Variants in RSF1 observed in about 807,000 individuals in gnomAD.
RSF1 encodes the protein remodeling and spacing factor 1.
RSF1 carries 13 observed loss-of-function variants against 145.2 expected under a neutral mutation model. That is an observed-to-expected ratio of 0.09 (90% CI 0.06 to 0.14). The LOEUF (loss-of-function observed/expected upper bound fraction) is 0.14, where lower values mean the gene tolerates loss of function less well. Among genes scored for constraint, RSF1 ranks in the 10% least tolerant of loss-of-function variants. The probability of loss-of-function intolerance (pLI) is 1.00; values close to 1 mark genes in which losing one functional copy is unlikely to be tolerated. For missense variants in RSF1, 1,517 were observed against 1,718.2 expected, an observed-to-expected ratio of 0.88 and a Z score of 2.07; for synonymous variants, 577 against 592.6, an observed-to-expected ratio of 0.97 and a Z score of 0.38.
intron 11 of RSF1, among the ~76,000 whole-genome samples, chr11:77,682,434 T>C (rs1322156228): frequency 6.6e-6 from 1 of 152,158 alleles, no homozygotes; most frequent in Admixed American, 6.6e-5. Flanking sequence ...TAAAATATAA[T>C]TTATTTATTA....
chr11:77,869,312 C>CTTTTTTTTTTTTTTTTT, the RSF1 span: 1 of 126,850 alleles, frequency 7.9e-6, no homozygotes, highest in Admixed American at 8.8e-5. Flanking sequence ...ATCTCTTTTT[C>CTTTTTTTTTTTTTTTTT]TTTTTTTTTT....
chr11:77,869,889 C>T, the RSF1 span: 2 of 1,449,814 alleles, frequency 1.4e-6, no homozygotes, highest in Non-Finnish European at 1.9e-6. Context: ...ACAGACTTGT[C>T]CTTCTTGGGA....
At chr11:77,698,962 T>C (rs1433784237) in intron 6 of RSF1, among the ~76,000 whole-genome samples, 2 of 152,226 alleles carry the variant, frequency 1.3e-5, no homozygotes, top group East Asian at 3.8e-4. Context: ...TCTCCTAACA[T>C]TACTATAAAT....
chr11:77,739,781 A>G (rs113593068), intron 4 of RSF1, among the ~76,000 whole-genome samples: 26 of 152,240 alleles, frequency 1.7e-4, no homozygotes, highest in Non-Finnish European at 3.4e-4. Context: ...TCTAAATAGT[A>G]AAGTTACAGT....
intron 5 of RSF1, among the ~76,000 whole-genome samples, chr11:77,704,856 G>A (rs753877333): frequency 6.6e-6 from 1 of 150,836 alleles, no homozygotes; most frequent in Non-Finnish European, 1.5e-5. Flanking sequence ...GGGTTCAAGC[G>A]ATTCTCTTGC....
chr11:77,863,377 C>T, the RSF1 span, among the ~76,000 whole-genome samples: 1 of 152,146 alleles, frequency 6.6e-6, no homozygotes, highest in Non-Finnish European at 1.5e-5. Flanking sequence ...AGCGAAAACT[C>T]AGCTCGAGCC....
chr11:77,734,891 C>A, intron 4 of RSF1: 1 of 1,581,380 alleles, frequency 6.3e-7, no homozygotes, highest in Non-Finnish European at 8.6e-7. Context: ...AAAGCCACAT[C>A]ATCACGGTCA....
chr11:77,836,918 T>C, the RSF1 span, among the ~76,000 whole-genome samples: 1 of 152,004 alleles, frequency 6.6e-6, no homozygotes, highest in South Asian at 2.1e-4. Context: ...TGAGCCAAGA[T>C]CGCGCCATTG....
chr11:77,813,532 G>C lies in RSF1; in HGVS notation c.187+6996C>G. ...GGTATTCGAACTGGTCCTTTCACTT[G>C]GAGATTCTTTGCCTCTGCTCCTCTG... On this transcript the variant is annotated intron_variant, in intron 1 of 15. Transcript: ENST00000308488. The C allele has an allele frequency of 4.0e-6, 3 of 750,514 alleles. No individual in the cohort carries two copies. In the South Asian group the frequency reaches 4.2e-5, roughly 10 times the overall value. The allele number at this position is 750,514 out of a possible 1,614,324, so 46.5% of individuals were successfully genotyped here.
chr11:77,819,498 G>C (rs1056702627), intron 1 of RSF1, among the ~76,000 whole-genome samples: 1 of 152,236 alleles, frequency 6.6e-6, no homozygotes, highest in Admixed American at 6.5e-5. Flanking sequence ...GGCAGAGCAT[G>C]CGCCCTGCAC....
At chr11:77,692,701 C>T (rs1960186250) in intron 8 of RSF1, among the ~76,000 whole-genome samples, 1 of 141,092 alleles carries the variant, frequency 7.1e-6, no homozygotes. Context: ...TTTTTTGAGA[C>T]AGAGTCTTGC....
At chr11:77,686,450 CTCAAAGTTAATCCAAT>C (rs1960010137) in intron 9 of RSF1, among the ~76,000 whole-genome samples, 1 of 129,866 alleles carries the variant, frequency 7.7e-6, no homozygotes, top group African/African-American at 2.9e-5. Context: ...CCCTGGTTCT[CTCAAAGTTAATCCAAT>C]TCAAGAACAG....
At chr11:77,698,337 A>T (rs1235888417) in intron 7 of RSF1, 150 bp downstream of exon 7, 3 of 656,622 alleles carry the variant, frequency 4.6e-6, no homozygotes, top group Non-Finnish European at 7.9e-6. Context: ...CAATTAGGTT[A>T]TATGAGAAAC....
chr11:77,789,033 A>C (rs1386155288), intron 1 of RSF1, among the ~76,000 whole-genome samples: 2 of 152,228 alleles, frequency 1.3e-5, no homozygotes, highest in African/African-American at 4.8e-5. Flanking sequence ...AAACATTAAA[A>C]AAAACAGAAC....
At chr11:77,785,495 C>T (rs1206744406) in intron 1 of RSF1, among the ~76,000 whole-genome samples, 1 of 152,008 alleles carries the variant, frequency 6.6e-6, no homozygotes, top group Non-Finnish European at 1.5e-5. Flanking sequence ...GAGGCTGAGG[C>T]AGGAGAATTG....
chr11:77,664,474 A>C lies in RSF1; in HGVS notation c.*2443T>G, dbSNP rs1959313127. ...TTTCTATAGTAGAAGAGTAAAAATA[A>C]CTCCTTATTTCACATTAGGCATCCT... is the stretch of plus-strand genomic sequence containing the variant. On this transcript the variant is annotated 3_prime_UTR_variant, in exon 16 of 16. Coordinates refer to ENST00000308488, the MANE Select transcript of RSF1 (RefSeq NM_016578.4). 6.6e-6 allele frequency: 1 copy of C among 152,092 alleles called. No individual in the cohort carries two copies. Among genetic ancestry groups the C allele is most frequent in the South Asian group, 2.1e-4 (1 of 4,824 alleles). The allele number at this position is 152,092 out of a possible 1,614,324, so 9.4% of individuals were successfully genotyped here. A position where few individuals can be genotyped will look rare whatever the true frequency, so the allele number is the denominator to read the frequency against.
At chr11:77,673,589 G>A (rs1046682600) in intron 14 of RSF1, among the ~76,000 whole-genome samples, 1 of 152,146 alleles carries the variant, frequency 6.6e-6, no homozygotes, top group Non-Finnish European at 1.5e-5. Context: ...GAGGAGAAGG[G>A]AAATGTTCTT....
rs768344603 is a variant in RSF1, at chr11:77,701,007, C to T, written c.2222G>A (p.Ser741Asn). The change falls in exon 6 of 16, where the codon AGT becomes AAT. Residue 741 changes from serine (S) to asparagine (N), a missense_variant. By Grantham distance (46) the Ser-to-Asn change is conservative. This residue lies in a region of RSF1 where 579 missense variants were observed against 553.5 expected (regional missense o/e 1.05). Coordinates refer to ENST00000308488, the MANE Select transcript of RSF1 (RefSeq NM_016578.4). ...GGGAGAATCGGGCTTCTTTTTCCGA[C>T]TTGATATCCTGATTGTTAATTTGAT... ...EGIKLTIRIS[S>N]RKKKPDSPPK... The T allele has an allele frequency of 1.7e-5, 27 of 1,613,560 alleles. No individual in the cohort carries two copies. Among genetic ancestry groups the T allele is most frequent in the Middle Eastern group, 1.6e-4 (1 of 6,084 alleles).
chr11:77,740,630 A>C, intron 4 of RSF1, 101 bp downstream of exon 4: 1 of 1,111,580 alleles, frequency 9.0e-7, no homozygotes, highest in Middle Eastern at 3.0e-4. Flanking sequence ...AAACTCACAC[A>C]CAAAAAACCA....
Sources: allele counts gnomAD v4.1 joint callset (sites outside exome capture counted in the v4.1 genomes callset), GRCh38; gene constraint gnomAD v4.1.1; regional missense constraint gnomAD v4.1.1; transcripts MANE v1.5; gene names NCBI Gene and HGNC (gene_info 2026-07-23, HGNC 2026-07-21).